Variants in IQCK observed in about 807,000 individuals in gnomAD.
IQCK encodes IQ domain-containing protein K.
Under a neutral mutation model 28.1 loss-of-function variants are expected in IQCK, and 29 were observed. That is an observed-to-expected ratio of 1.03 (90% CI 0.77 to 1.41). IQCK has a LOEUF of 1.41. IQCK is among the 40% of genes most tolerant of loss of function. IQCK has a pLI of 0.00. For synonymous variants in IQCK, 113 were observed against 115.1 expected (o/e 0.98, Z 0.12); for missense variants, 359 against 314.7 (o/e 1.14, Z -1.07).
chr16:19,847,773 T>C (rs1017626975), intron 9 of IQCK, among the ~76,000 whole-genome samples: 1 of 152,220 alleles, frequency 6.6e-6, no homozygotes, highest in Admixed American at 6.5e-5. Flanking sequence ...CACCTTTGGC[T>C]ATTATGAAAA....
intron 9 of IQCK, among the ~76,000 whole-genome samples, chr16:19,852,964 T>C (rs148101934): frequency 2.6e-4 from 39 of 152,302 alleles, no homozygotes; most frequent in African/African-American, 9.4e-4. Flanking sequence ...TGCGTGTGGC[T>C]TCGGCTCACT....
At chr16:19,819,309 A>G (rs2056032670) in intron 7 of IQCK, among the ~76,000 whole-genome samples, 1 of 152,114 alleles carries the variant, frequency 6.6e-6, no homozygotes, top group Non-Finnish European at 1.5e-5. Context: ...CCTGGCCAAC[A>G]TAGTGAAATT....
intron 6 of IQCK, among the ~76,000 whole-genome samples, chr16:19,770,021 A>G (rs2055297735): frequency 6.6e-6 from 1 of 152,196 alleles, no homozygotes; most frequent in African/African-American, 2.4e-5. Flanking sequence ...CAAGGGTTAA[A>G]TGATGATTCC....
At chr16:19,818,895 T>C (rs1431938814) in intron 7 of IQCK, among the ~76,000 whole-genome samples, 1 of 152,156 alleles carries the variant, frequency 6.6e-6, no homozygotes, top group Non-Finnish European at 1.5e-5. Flanking sequence ...TTCTTGAGTT[T>C]GACAAGACCG....
intron 7 of IQCK, among the ~76,000 whole-genome samples, chr16:19,806,590 C>T (rs901070693): frequency 1.1e-4 from 17 of 148,984 alleles, no homozygotes; most frequent in East Asian, 6.2e-4. Flanking sequence ...CTTGGGAACC[C>T]GAGGTGGAGG....
chr16:19,775,866 C>CTTTTTTTTTTTTT (rs570530152), intron 6 of IQCK, among the ~76,000 whole-genome samples: 2 of 37,700 alleles, frequency 5.3e-5, no homozygotes, highest in Non-Finnish European at 8.8e-5. Flanking sequence ...TGGGCACAGG[C>CTTTTTTTTTTTTT]TTTTTTTTTT....
intron 9 of IQCK, among the ~76,000 whole-genome samples, chr16:19,855,503 T>G (rs1045962755): frequency 1.3e-5 from 2 of 152,162 alleles, no homozygotes; most frequent in African/African-American, 4.8e-5. Context: ...GAGAATCGCT[T>G]GAACCTGCGA....
At chr16:19,740,120 A>T (rs1240704936) in intron 4 of IQCK, among the ~76,000 whole-genome samples, 1 of 151,990 alleles carries the variant, frequency 6.6e-6, no homozygotes, top group African/African-American at 2.4e-5. Flanking sequence ...AGAGATACTG[A>T]TTTTTTTTCA....
rs367904556 is a variant in IQCK, at chr16:19,730,813, C to G, written c.246+319C>G. 1.3e-3 allele frequency among the ~76,000 whole-genome samples: 201 copies of G among 152,256 alleles called. 6 individuals carry two copies. In the South Asian group the frequency reaches 0.04, roughly 30 times the overall value. On this transcript the variant is annotated intron_variant, in intron 2 of 7. Coordinates refer to ENST00000564186, the Ensembl canonical transcript of IQCK. Reference sequence around the variant, plus strand: ...TTTTTGAGACAGGCTCTTGCCCTGTCGCCCAGGTTGGAGTGCAGTGGCACA... The same window carrying G: ...TTTTTGAGACAGGCTCTTGCCCTGTGGCCCAGGTTGGAGTGCAGTGGCACA...
intron 9 of IQCK, among the ~76,000 whole-genome samples, chr16:19,841,121 T>A (rs1323624654): frequency 6.6e-6 from 1 of 152,220 alleles, no homozygotes; most frequent in East Asian, 1.9e-4. Flanking sequence ...AAAAATAATT[T>A]AAAACCTGTC....
intron 4 of IQCK, among the ~76,000 whole-genome samples, chr16:19,742,201 C>A: frequency 6.6e-6 from 1 of 152,062 alleles, no homozygotes; most frequent in East Asian, 1.9e-4. Flanking sequence ...ACTTCCAGAC[C>A]CAAGGAATGT....
intron 4 of IQCK, among the ~76,000 whole-genome samples, chr16:19,760,320 T>C (rs922735835): frequency 6.6e-6 from 1 of 152,146 alleles, no homozygotes; most frequent in African/African-American, 2.4e-5. Context: ...TTGGTTCTTA[T>C]ACCTGAAAGG....
intron 4 of IQCK, among the ~76,000 whole-genome samples, chr16:19,760,303 G>C (rs1362107701): frequency 6.6e-6 from 1 of 152,112 alleles, no homozygotes; most frequent in Non-Finnish European, 1.5e-5. Flanking sequence ...GTGCAAAAGA[G>C]AATATATTGG....
At chr16:19,727,323 A>G (rs1405456822) in intron 1 of IQCK, among the ~76,000 whole-genome samples, 3 of 152,038 alleles carry the variant, frequency 2.0e-5, no homozygotes, top group Middle Eastern at 3.2e-3. Context: ...TATATTAGTA[A>G]ATACATTGGA....
chr16:19,753,052 CAGAGAGAGAG>C (rs111298371), intron 4 of IQCK, among the ~76,000 whole-genome samples: 1 of 148,590 alleles, frequency 6.7e-6, no homozygotes, highest in African/African-American at 2.5e-5. Context: ...TCAAGTGTAG[CAGAGAGAGAG>C]AGAGAGAGAG....
chr16:19,781,321 C>T (rs1404886710), intron 6 of IQCK, among the ~76,000 whole-genome samples: 2 of 152,128 alleles, frequency 1.3e-5, no homozygotes, highest in Non-Finnish European at 2.9e-5. Context: ...CGCTGCTTGG[C>T]GAGTTCTGCT....
rs1361763083 is a variant in IQCK at position 19,732,943 on chromosome 16, T to C, written c.247-755T>C. On this transcript the variant is annotated intron_variant, in intron 2 of 7. Coordinates refer to ENST00000564186, the Ensembl canonical transcript of IQCK. ...ACCAGAAAGAAGCCTGAGGGGAGTG[T>C]GGGCAGCAGGCCAAGTTAGCCCAGC... is the stretch of plus-strand genomic sequence containing the variant. 3.3e-5 allele frequency among the ~76,000 whole-genome samples: 5 copies of C among 152,256 alleles called. No homozygotes were observed. In the East Asian group the frequency reaches 9.7e-4, roughly 29 times the overall value.
At chr16:19,718,290 C>T in exon 1 of IQCK, 4 of 1,595,402 alleles carry the variant, frequency 2.5e-6, no homozygotes, top group South Asian at 1.1e-5. Flanking sequence ...AACGCGGTTA[C>T]CGTGGAAACC....
chr16:19,827,844 TC>T (rs2056169124), downstream of IQCK, among the ~76,000 whole-genome samples: 1 of 152,126 alleles, frequency 6.6e-6, no homozygotes, highest in Non-Finnish European at 1.5e-5. Flanking sequence ...TCTCTGGACT[TC>T]CTAGGTCTCT....
Sources: gnomAD v4.1 joint callset for allele counts (sites outside exome capture counted in the v4.1 genomes callset) on GRCh38, gnomAD v4.1.1 for gene constraint, MANE v1.5 for transcripts, NCBI Gene and HGNC (gene_info 2026-07-23, HGNC 2026-07-21) for gene names.